The following ZNF407 variants were observed in gnomAD, a reference collection of about 807,000 sequenced individuals.
ZNF407 encodes zinc finger protein 407.
A neutral mutation model predicts 131.2 loss-of-function variants in ZNF407; 17 were observed. That is an observed-to-expected ratio of 0.13 (90% CI 0.09 to 0.19). The LOEUF is 0.19. Among genes scored for constraint, ZNF407 ranks in the 10% least tolerant of loss-of-function variants. ZNF407 has a pLI of 1.00. For missense variants in ZNF407, 2,681 were observed against 2,830.6 expected (o/e 0.95, Z 1.20); for synonymous variants, 1,156 against 1,062.0 (o/e 1.09, Z -1.72).
chr18:74,609,524 A>T (rs1026249278), intron 1 of ZNF407, among the ~76,000 whole-genome samples: 26 of 152,360 alleles, frequency 1.7e-4, no homozygotes, highest in Middle Eastern at 3.4e-3. Flanking sequence ...GATAAAAAAA[A>T]GGTATACTTG....
rs191952564 is a variant in ZNF407 at position 74,921,143 on chromosome 18, C to T, written c.5428+451C>T. Reference sequence around the variant, plus strand: ...CTGCGACCACGACCACGGAGTCAAGCGTAGTGGGTGGTAACGGTGCTGTGC... The same window carrying T: ...CTGCGACCACGACCACGGAGTCAAGTGTAGTGGGTGGTAACGGTGCTGTGC... On this transcript the variant is annotated intron_variant, in intron 8 of 8. Transcript: ENST00000299687. The T allele has an allele frequency of 9.7e-4, 479 of 493,188 alleles. 7 individuals carry two copies. The highest frequency in any genetic ancestry group is 4.7e-4 in the Non-Finnish European group (177 of 380,230). The allele number at this position is 493,188 out of a possible 1,614,324, so 30.6% of individuals were successfully genotyped here.
rs745725277 is a variant in ZNF407 at position 74,827,277 on chromosome 18, CT to C, written c.4877+45778del. 6.4e-4 allele frequency among the ~76,000 whole-genome samples: 97 copies of C among 152,240 alleles called. 1 individual carries two copies. The highest frequency in any genetic ancestry group is 1.2e-3 in the Non-Finnish European group (79 of 68,002). ...ATGAAAATTTCCATTTCTTTTTGTA[CT>C]TTCACCCACTTGGTTTAGTGTCCAT... is the stretch of plus-strand genomic sequence containing the variant. On this transcript the variant is annotated intron_variant, in intron 4 of 8. Transcript: ENST00000299687.
intron 3 of ZNF407, among the ~76,000 whole-genome samples, chr18:74,751,991 G>A (rs1300570287): frequency 3.3e-5 from 5 of 152,210 alleles, no homozygotes; most frequent in African/African-American, 4.8e-5. Flanking sequence ...CCCACCAACA[G>A]TGTAAAAGTG....
chr18:74,883,849 C>A (rs561728336), intron 6 of ZNF407, among the ~76,000 whole-genome samples: 1 of 152,092 alleles, frequency 6.6e-6, no homozygotes, highest in African/African-American at 2.4e-5. Context: ...CTGCTTGTAA[C>A]GGAAAGTGTG....
chr18:74,669,393 G>A (rs528964770), intron 3 of ZNF407, among the ~76,000 whole-genome samples: 1 of 152,196 alleles, frequency 6.6e-6, no homozygotes, highest in East Asian at 1.9e-4. Flanking sequence ...TTCCTCAGTG[G>A]TCCTATGGAT....
At chr18:74,949,499 C>T (rs1001432881) in intron 8 of ZNF407, among the ~76,000 whole-genome samples, 8 of 152,252 alleles carry the variant, frequency 5.3e-5, no homozygotes, top group East Asian at 1.9e-4. Flanking sequence ...CATTTGTTCA[C>T]GTCTTTGAGA....
intron 3 of ZNF407, among the ~76,000 whole-genome samples, chr18:74,643,047 C>G (rs1984796353): frequency 6.6e-6 from 1 of 152,004 alleles, no homozygotes; most frequent in Admixed American, 6.6e-5. Flanking sequence ...GAATTAGGTA[C>G]CCTTCAGTGT....
At chr18:74,982,154 T>G (rs1457741435) in intron 8 of ZNF407, among the ~76,000 whole-genome samples, 2 of 152,252 alleles carry the variant, frequency 1.3e-5, no homozygotes, top group South Asian at 2.1e-4. Flanking sequence ...ATGTGCGGAC[T>G]TTTTAGCATT....
At chr18:74,623,097 CGTGT>C (rs1449813510) in intron 1 of ZNF407, among the ~76,000 whole-genome samples, 15 of 148,078 alleles carry the variant, frequency 1.0e-4, no homozygotes, top group South Asian at 6.6e-4. Context: ...TGTGTGAGTG[CGTGT>C]GTATCTGAGT....
At chr18:74,842,359 G>T (rs1181957105) in intron 4 of ZNF407, among the ~76,000 whole-genome samples, 1 of 151,932 alleles carries the variant, frequency 6.6e-6, no homozygotes, top group East Asian at 1.9e-4. Flanking sequence ...TCTCATATTT[G>T]AAGTAAATTA....
intron 4 of ZNF407, among the ~76,000 whole-genome samples, chr18:74,846,181 T>A (rs948652327): frequency 1.3e-5 from 2 of 152,174 alleles, no homozygotes; most frequent in Non-Finnish European, 2.9e-5. Flanking sequence ...TAGAATAGCA[T>A]TAAGAATATG....
At chr18:74,889,065 C>G (rs1971349485) in intron 6 of ZNF407, among the ~76,000 whole-genome samples, 1 of 152,142 alleles carries the variant, frequency 6.6e-6, no homozygotes, top group African/African-American at 2.4e-5. Flanking sequence ...ATACTTGTTA[C>G]TGTGTTACAG....
At chr18:75,022,931 A>C (rs541075479) in intron 8 of ZNF407, among the ~76,000 whole-genome samples, 5 of 152,318 alleles carry the variant, frequency 3.3e-5, no homozygotes, top group African/African-American at 1.2e-4. Context: ...GAGTTGACCC[A>C]GATGCTCATC....
chr18:74,871,400 G>GTTA (rs1568249110), intron 4 of ZNF407, among the ~76,000 whole-genome samples: 1 of 152,100 alleles, frequency 6.6e-6, no homozygotes, highest in Non-Finnish European at 1.5e-5. Context: ...CTTAGAAATT[G>GTTA]TTATAAACTT....
chr18:74,749,898 C>G (rs1568196203), intron 3 of ZNF407, among the ~76,000 whole-genome samples: 1 of 152,062 alleles, frequency 6.6e-6, no homozygotes, highest in East Asian at 1.9e-4. Flanking sequence ...TTATTGGAAA[C>G]TATAAAAATT....
chr18:74,908,763 G>A (rs1328399437), intron 7 of ZNF407, among the ~76,000 whole-genome samples: 2 of 152,100 alleles, frequency 1.3e-5, no homozygotes, highest in Non-Finnish European at 2.9e-5. Flanking sequence ...CATAAATTGT[G>A]AAACAAGCTC....
intron 7 of ZNF407, among the ~76,000 whole-genome samples, chr18:74,917,596 A>G (rs1971790637): frequency 6.6e-6 from 1 of 152,176 alleles, no homozygotes; most frequent in South Asian, 2.1e-4. Context: ...TAGATCCTAC[A>G]TGCTGTTTAG....
intron 8 of ZNF407, among the ~76,000 whole-genome samples, chr18:75,011,863 T>A (rs1048357939): frequency 6.6e-6 from 1 of 152,172 alleles, no homozygotes; most frequent in Non-Finnish European, 1.5e-5. Flanking sequence ...TTGTTGAAAG[T>A]ATAAATTAGC....
chr18:74,729,094 C>T (rs1032847404), intron 3 of ZNF407, among the ~76,000 whole-genome samples: 2 of 152,116 alleles, frequency 1.3e-5, no homozygotes, highest in African/African-American at 4.8e-5. Context: ...ATTACTGGTT[C>T]ATTACTGTAC....
Sources: allele counts gnomAD v4.1 joint callset (sites outside exome capture counted in the v4.1 genomes callset), GRCh38; gene constraint gnomAD v4.1.1; transcripts MANE v1.5; gene names NCBI Gene and HGNC (gene_info 2026-07-23, HGNC 2026-07-21).